RPAIN: variants seen among roughly 807,000 people sequenced by gnomAD.
The protein encoded by RPAIN is RPA-interacting protein.
A neutral mutation model predicts 30.5 loss-of-function variants in RPAIN; 29 were observed. The ratio of observed to expected loss-of-function variants is 0.95; its 90% confidence interval spans 0.71 to 1.30. The LOEUF (loss-of-function observed/expected upper bound fraction) is 1.30, where lower values mean the gene tolerates loss of function less well. RPAIN is among the 50% of genes most tolerant of loss of function. The probability of loss-of-function intolerance (pLI) is 0.00; values close to 1 mark genes in which losing one functional copy is unlikely to be tolerated. For missense variants in RPAIN, 247 were observed against 264.7 expected, an observed-to-expected ratio of 0.93 and a Z score of 0.46; for synonymous variants, 101 against 93.5, an observed-to-expected ratio of 1.08 and a Z score of -0.46.
At chr17:5,430,806 A>C (rs1218944295) in intron 6 of RPAIN, 1 of 152,560 alleles carries the variant, frequency 6.6e-6, no homozygotes, top group Admixed American at 6.5e-5. Flanking sequence ...CTGTCTTCTT[A>C]GTAAGGTGAA....
chr17:5,420,222 G>T lies in RPAIN; in HGVS notation c.12G>T (p.Ser4=). The T allele has an allele frequency of 6.2e-7, 1 of 1,613,762 alleles. No homozygotes were observed. The highest frequency in any genetic ancestry group is 8.5e-7 in the Non-Finnish European group (1 of 1,179,978). MAE[S]LRSPRRSLYK... ...CCCGCGAAGAGGAGATGGCGGAGTC[G>T]TTGAGGTCTCCGCGCCGCTCCCTGT... Residue 4 remains serine, a synonymous_variant, in exon 1 of 7, where the codon TCG becomes TCT. Coordinates refer to ENST00000381209, the MANE Select transcript of RPAIN (RefSeq NM_001033002.4).
intron 6 of RPAIN, chr17:5,429,207 TCTC>T (rs1322394505): frequency 4.5e-5 from 44 of 983,622 alleles, no homozygotes; most frequent in Non-Finnish European, 5.3e-5. Context: ...AGGAGGGTGA[TCTC>T]CTTTATGGTG....
At chr17:5,427,986 T>G in intron 5 of RPAIN, 85 bp from the exon 6 acceptor site, 1 of 1,342,920 alleles carries the variant, frequency 7.4e-7, no homozygotes, top group Non-Finnish European at 1.1e-6. Context: ...GAGCCACGGT[T>G]ATATTGGTTG....
intron 4 of RPAIN, 61 bp from the exon 5 acceptor site, chr17:5,426,175 C>G (rs1238064266): frequency 1.3e-6 from 2 of 1,586,972 alleles, no homozygotes; most frequent in African/African-American, 2.7e-5. Context: ...GCCTGAAATT[C>G]AAGGTTTGGA....
intron 6 of RPAIN, chr17:5,429,259 C>T (rs1390487963): frequency 5.1e-6 from 5 of 985,180 alleles, no homozygotes; most frequent in Non-Finnish European, 4.8e-6. Context: ...GGCCTTGAAG[C>T]ATGGAATCGA....
chr17:5,429,446 AAC>A, intron 6 of RPAIN: 2 of 985,404 alleles, frequency 2.0e-6, no homozygotes, highest in Non-Finnish European at 1.2e-6. Context: ...AGGAATAGGA[AAC>A]AGATTCAGAG....
intron 3 of RPAIN, among the ~76,000 whole-genome samples, chr17:5,423,974 A>G (rs1230915417): frequency 6.7e-6 from 1 of 149,164 alleles, no homozygotes; most frequent in Non-Finnish European, 1.5e-5. Context: ...CAAGACAAAA[A>G]ATTATTTTAT....
chr17:5,429,169 T>A, intron 6 of RPAIN: 1 of 985,412 alleles, frequency 1.0e-6, no homozygotes, highest in African/African-American at 1.7e-5. Context: ...CCTGGAGAGC[T>A]GTACAAGGAG....
At chr17:5,431,424 T>G (rs1474244859) in intron 6 of RPAIN, 3 of 441,872 alleles carry the variant, frequency 6.8e-6, no homozygotes, top group Non-Finnish European at 1.3e-5. Flanking sequence ...GAGGCAGAGG[T>G]TGCAGTGAGC....
intron 6 of RPAIN, chr17:5,429,152 G>A: frequency 1.0e-6 from 1 of 985,404 alleles, no homozygotes; most frequent in Non-Finnish European, 1.2e-6. Flanking sequence ...GAATAAACAG[G>A]CAGTACCCTG....
At chr17:5,429,567 G>C in intron 6 of RPAIN, 8 of 985,422 alleles carry the variant, frequency 8.1e-6, no homozygotes, top group Non-Finnish European at 9.6e-6. Context: ...TCCAGGCTCA[G>C]GCCTTGGTGG....
In RPAIN at chr17:5,422,789, GGCTGT is replaced by G. The variant is rs1265941538; in HGVS notation, c.278_282del (p.Val93GlyfsTer19). The stretch of plus-strand genomic sequence containing the variant: ...TCCAGCTGGAGGAGCTGATAGACAT[GGCTGT>G]GCTGGAGGAAATTCAACAGGAGCTG... On this transcript the variant is annotated frameshift_variant, in exon 3 of 7. Coordinates refer to ENST00000381209, the MANE Select transcript of RPAIN (RefSeq NM_001033002.4). LOFTEE classifies it high-confidence loss of function. The G allele has an allele frequency of 6.2e-7, 1 of 1,613,214 alleles. No individual in the cohort carries two copies. Among genetic ancestry groups the G allele is most frequent in the East Asian group, 2.2e-5 (1 of 44,868 alleles).
rs1916044654 is a variant in RPAIN at position 5,432,236 on chromosome 17, AATCT to A, written c.631-305_631-302del. 1.2e-5 allele frequency: 4 copies of A among 338,732 alleles called. No homozygotes were observed. The South Asian group carries it at 2.0e-4, about 17-fold the overall frequency. 21.0% of individuals were successfully genotyped at this position (338,732 alleles called of 1,614,324 possible). ...TCCAGGCTATCAAGAGTTTGAATAC[AATCT>A]TTCTGGTCAGTGGTTTCCTGATGGT... On this transcript the variant is annotated intron_variant, in intron 6 of 6. Coordinates refer to ENST00000381209, the MANE Select transcript of RPAIN (RefSeq NM_001033002.4).
At chr17:5,426,817 T>A (rs947292192) in intron 5 of RPAIN, 2 of 152,760 alleles carry the variant, frequency 1.3e-5, no homozygotes, top group African/African-American at 4.8e-5. Context: ...ATTTTTTTTT[T>A]ATTTTTAGTA....
chr17:5,429,915 C>T (rs1405998995), intron 6 of RPAIN: 1 of 385,978 alleles, frequency 2.6e-6, no homozygotes, highest in Non-Finnish European at 3.5e-6. Context: ...CGCCTGTAAT[C>T]CCAGCACTTT....
chr17:5,423,680 G>A (rs371092060), intron 3 of RPAIN, among the ~76,000 whole-genome samples: 1 of 152,200 alleles, frequency 6.6e-6, no homozygotes, highest in Non-Finnish European at 1.5e-5. Flanking sequence ...ATAGCATGGT[G>A]TAGAGAGCAT....
Position 5,422,826 on chromosome 17 carries a change from C to G in RPAIN, c.310C>G (p.Gln104Glu). The G allele has an allele frequency of 6.2e-7, 1 of 1,607,590 alleles. No homozygotes were observed. The highest frequency in any genetic ancestry group is 2.2e-5 in the East Asian group (1 of 44,676). The part of the protein sequence containing the change: ...LEEIQQELIN[Q>E]EQSIISEYEK... ...GGAAATTCAACAGGAGCTGATCAAC[C>G]AAGGTAACCCCTAGTGGTAGTCCTT... Residue 104 changes from glutamine (Q) to glutamate (E), a missense_variant, in exon 3 of 7, where the codon CAA becomes GAA. Transcript: ENST00000381209.
chr17:5,432,457 G>C (rs555988879), intron 6 of RPAIN, 85 bp from the exon 7 acceptor site: 8 of 1,299,372 alleles, frequency 6.2e-6, no homozygotes, highest in Non-Finnish European at 8.9e-6. Context: ...CTAATGTGTA[G>C]AATTCTCATT....
At chr17:5,421,662 C>A (rs1052665765) in intron 2 of RPAIN, 196 bp downstream of exon 2, 1 of 450,988 alleles carries the variant, frequency 2.2e-6, no homozygotes, top group South Asian at 4.7e-5. Context: ...AATACCAGAC[C>A]GTAGACCTGC....
Sources: gnomAD v4.1 joint callset for allele counts (sites outside exome capture counted in the v4.1 genomes callset) on GRCh38, gnomAD v4.1.1 for gene constraint, MANE v1.5 for transcripts, NCBI Gene and HGNC (gene_info 2026-07-23, HGNC 2026-07-21) for gene names.